Variants in FGD3 observed in about 807,000 individuals in gnomAD.
FGD3 encodes the protein FYVE, RhoGEF and PH domain-containing protein 3.
A neutral mutation model predicts 71.8 loss-of-function variants in FGD3; 45 were observed. The ratio of observed to expected loss-of-function variants is 0.63; its 90% CI spans 0.49 to 0.80. The LOEUF (loss-of-function observed/expected upper bound fraction) is 0.80. Among genes scored for constraint, FGD3 ranks in the 30% least tolerant of loss-of-function variants. The pLI is 0.00. For synonymous variants in FGD3, 378 were observed against 392.8 expected, an observed-to-expected ratio of 0.96 and a Z score of 0.44; for missense variants, 844 against 951.5, an observed-to-expected ratio of 0.89 and a Z score of 1.49.
intron 3 of FGD3, among the ~76,000 whole-genome samples, chr9:92,983,211 C>T (rs1564149878): frequency 6.6e-6 from 1 of 151,856 alleles, no homozygotes; most frequent in Non-Finnish European, 1.5e-5. Context: ...CTCTGTGGCA[C>T]ACTAATTTAA....
intron 3 of FGD3, among the ~76,000 whole-genome samples, chr9:92,995,804 C>T (rs780849624): frequency 1.3e-5 from 2 of 152,174 alleles, no homozygotes; most frequent in Non-Finnish European, 2.9e-5. Context: ...TTGAACCAGC[C>T]TTGCATCCCA....
intron 1 of FGD3, among the ~76,000 whole-genome samples, chr9:92,965,545 G>A (rs758132704): frequency 1.9e-4 from 29 of 152,336 alleles, no homozygotes; most frequent in Non-Finnish European, 3.5e-4. Flanking sequence ...CTCAGGGGGC[G>A]GAGGTCCACG....
intron 1 of FGD3, among the ~76,000 whole-genome samples, chr9:92,965,146 C>T (rs1297277094): frequency 1.3e-5 from 2 of 152,160 alleles, no homozygotes; most frequent in African/African-American, 4.8e-5. Context: ...GCCCACTGTG[C>T]AGAGGGGGCC....
chr9:93,024,685 G>T (rs1862054058), intron 14 of FGD3, among the ~76,000 whole-genome samples: 1 of 152,224 alleles, frequency 6.6e-6, no homozygotes. Flanking sequence ...GCTGAGGGAT[G>T]CCCTGGGTGG....
intron 1 of FGD3, among the ~76,000 whole-genome samples, chr9:92,958,456 G>GC (rs1381479107): frequency 6.6e-6 from 1 of 152,194 alleles, no homozygotes; most frequent in East Asian, 1.9e-4. Flanking sequence ...TGATGAACCT[G>GC]CACTGACACA....
At chr9:92,971,820 G>A (rs1264101591) in intron 1 of FGD3, among the ~76,000 whole-genome samples, 2 of 151,846 alleles carry the variant, frequency 1.3e-5, no homozygotes, top group Non-Finnish European at 2.9e-5. Context: ...TGTACAGTTG[G>A]ATAAACTTTG....
At chr9:92,957,826 C>T (rs1206720828) in intron 1 of FGD3, among the ~76,000 whole-genome samples, 4 of 150,182 alleles carry the variant, frequency 2.7e-5, no homozygotes, top group South Asian at 2.1e-4. Flanking sequence ...GGAGTACAGG[C>T]GTGCACCACT....
Position 93,005,900 on chromosome 9 carries a change from A to T in FGD3, c.681-124A>T, listed in dbSNP as rs962981284. 3.8e-6 allele frequency: 4 copies of T among 1,043,438 alleles called. No individual in the cohort carries two copies. In the African/African-American group the frequency reaches 6.5e-5, roughly 17 times the overall value. The allele number at this position is 1,043,438 out of a possible 1,614,324, so 64.6% of individuals were successfully genotyped here. On this transcript the variant is annotated intron_variant, in intron 5 of 17. Coordinates refer to ENST00000375482, the MANE Select transcript of FGD3 (RefSeq NM_001083536.2). The stretch of plus-strand genomic sequence containing the variant: ...AAGCTAAGGCTCAGAGAGGGTGACC[A>T]ATTTGCTCACCATCACACAGAGCTG...
chr9:93,009,195 G>A (rs575992170), intron 6 of FGD3, among the ~76,000 whole-genome samples: 10 of 152,192 alleles, frequency 6.6e-5, no homozygotes, highest in Admixed American at 3.3e-4. Context: ...CCTGGGAGGC[G>A]GAGGTTGCAG....
intron 3 of FGD3, among the ~76,000 whole-genome samples, chr9:93,000,755 G>A (rs1046266738): frequency 6.6e-6 from 1 of 152,082 alleles, no homozygotes; most frequent in Non-Finnish European, 1.5e-5. Flanking sequence ...ATTATAATAT[G>A]TCTTGGTATG....
rs767340631 is a variant in FGD3 at position 93,003,046 on chromosome 9, A to T, written c.543+32A>T. On this transcript the variant is annotated intron_variant, in intron 4 of 17. Transcript: ENST00000375482. The surrounding 1 kb of genome is among the most constrained non-coding windows in gnomAD (Gnocchi z 4.1). ...CACATGGCTTGGGGGCAGTTTCAGT[A>T]TCTCTTAGCATTGGCTGGGCATTAT... 1.3e-5 allele frequency: 20 copies of T among 1,588,702 alleles called. No individual in the cohort carries two copies. Among genetic ancestry groups the T allele is most frequent in the Middle Eastern group, 1.7e-4 (1 of 6,006 alleles).
chr9:92,964,423 T>C (rs1859240175), intron 1 of FGD3: 1 of 151,784 alleles, frequency 6.6e-6, no homozygotes, highest in Admixed American at 6.6e-5. Flanking sequence ...AACTTTGGGG[T>C]GGTAGGAACA....
chr9:93,021,342 C>A (rs745372228), intron 13 of FGD3, among the ~76,000 whole-genome samples: 1 of 152,134 alleles, frequency 6.6e-6, no homozygotes, highest in African/African-American at 2.4e-5. Flanking sequence ...GGGTCCTTGC[C>A]GAGAAGCCTG....
At chr9:92,997,844 A>C (rs191797774) in intron 3 of FGD3, among the ~76,000 whole-genome samples, 1,602 of 152,300 alleles carry the variant, frequency 0.011, 10 homozygotes, top group Non-Finnish European at 0.019. Context: ...ATCCACTGTT[A>C]GTCTGATGGG....
chr9:93,027,085 G>A (rs1231688297), intron 14 of FGD3, among the ~76,000 whole-genome samples: 5 of 152,364 alleles, frequency 3.3e-5, no homozygotes, highest in Admixed American at 2.6e-4. Context: ...CGCCTCACCT[G>A]TGTCTTTGGA....
rs1430666790 is a variant in FGD3, at chr9:92,969,407, C to T, written c.-217-5831C>T. Among the ~76,000 whole-genome samples the T allele has an allele frequency of 4.6e-5, 7 of 152,310 alleles. No individual in the cohort carries two copies. The East Asian group carries it at 9.6e-4, about 21-fold the overall frequency. On this transcript the variant is annotated intron_variant, in intron 1 of 17. Coordinates refer to ENST00000375482, the MANE Select transcript of FGD3 (RefSeq NM_001083536.2). The surrounding 1 kb of genome is among the most constrained non-coding windows in gnomAD (Gnocchi z 4.5). ...CACATGCTGCCCTCTCTAGTTACAG[C>T]GAGTCTCTTAGGGGCTCTGTATTTA...
At chr9:92,986,345 C>G (rs1265568892) in intron 3 of FGD3, among the ~76,000 whole-genome samples, 2 of 152,156 alleles carry the variant, frequency 1.3e-5, no homozygotes, top group Admixed American at 1.3e-4. Flanking sequence ...TGTTTTTCAG[C>G]TAACTGCCAC....
At chr9:92,989,885 CT>C (rs2118641324) in intron 3 of FGD3, among the ~76,000 whole-genome samples, 1 of 144,552 alleles carries the variant, frequency 6.9e-6, no homozygotes, top group East Asian at 2.0e-4. Flanking sequence ...AATTGGGGTC[CT>C]GTGTTTTTTT....
In FGD3 at chr9:92,958,025, G is replaced by T. The variant is rs557761110; in HGVS notation, c.-218+10296G>T. Among the ~76,000 whole-genome samples the T allele has an allele frequency of 1.3e-3, 200 of 150,302 alleles. 1 individual carries two copies. The highest frequency in any genetic ancestry group is 4.4e-3 in the African/African-American group (179 of 40,848). On this transcript the variant is annotated intron_variant, in intron 1 of 17. Transcript: ENST00000375482. Reference sequence around the variant, plus strand: ...TAATTTTTTTTTTTTTTGAGACAGGGTCTCATTCTGCCACCCAGGCTGGAG... The same window carrying T: ...TAATTTTTTTTTTTTTTGAGACAGGTTCTCATTCTGCCACCCAGGCTGGAG...
Sources: allele counts gnomAD v4.1 joint callset (sites outside exome capture counted in the v4.1 genomes callset), GRCh38; gene constraint gnomAD v4.1.1; non-coding constraint Gnocchi (gnomAD v3.1); transcripts MANE v1.5; gene names NCBI Gene and HGNC (gene_info 2026-07-23, HGNC 2026-07-21).